Variants in ATP9B observed in about 807,000 individuals in gnomAD.
ATP9B encodes the protein ATPase phospholipid transporting 9B.
A neutral mutation model predicts 146.1 loss-of-function variants in ATP9B; 110 were observed. The observed-to-expected ratio is 0.75, with a 90% CI of 0.65 to 0.88. ATP9B has a LOEUF of 0.88. ATP9B is among the 40% of genes least tolerant of loss of function. ATP9B has a pLI of 0.00. For missense variants in ATP9B, 1,499 were observed against 1,496.4 expected (o/e 1.00, Z -0.03); for synonymous variants, 604 against 569.7 (o/e 1.06, Z -0.86).
chr18:79,290,342 T>C lies in ATP9B; in HGVS notation c.1411+13146T>C, dbSNP rs370236421. ...ATGGCGGGCGCCCCTCCCCCAGCCT[T>C]GCTGCCGCCTTGCAGTTTGATCTCA... On this transcript the variant is annotated intron_variant, in intron 13 of 29. Coordinates refer to ENST00000426216, the MANE Select transcript of ATP9B (RefSeq NM_198531.5). 8.0e-4 allele frequency among the ~76,000 whole-genome samples: 122 copies of C among 152,194 alleles called. 1 individual carries two copies. The highest frequency in any genetic ancestry group is 6.8e-3 in the Middle Eastern group (2 of 294).
intron 13 of ATP9B, among the ~76,000 whole-genome samples, chr18:79,301,501 A>G (rs1198381845): frequency 6.6e-6 from 1 of 152,224 alleles, no homozygotes; most frequent in East Asian, 1.9e-4. Flanking sequence ...ATGAAGCACA[A>G]ATGTATAAAG....
chr18:79,279,686 G>A (rs910529069), intron 13 of ATP9B, among the ~76,000 whole-genome samples: 8 of 152,252 alleles, frequency 5.3e-5, no homozygotes, highest in South Asian at 2.1e-4. Flanking sequence ...ACAAAAATAC[G>A]TAAGACCTAA....
chr18:79,102,999 T>G (rs571413960), intron 2 of ATP9B, among the ~76,000 whole-genome samples: 2 of 152,324 alleles, frequency 1.3e-5, no homozygotes, highest in Non-Finnish European at 2.9e-5. Context: ...CTGAACTCAC[T>G]GGTGCTAAGA....
intron 26 of ATP9B, among the ~76,000 whole-genome samples, chr18:79,368,141 C>G (rs912520237): frequency 1.3e-5 from 2 of 152,236 alleles, no homozygotes; most frequent in African/African-American, 4.8e-5. Context: ...ATGGGGCTGT[C>G]TGCGCTGCTT....
intron 11 of ATP9B, among the ~76,000 whole-genome samples, chr18:79,241,285 C>T (rs559158780): frequency 6.6e-6 from 1 of 152,102 alleles, no homozygotes; most frequent in African/African-American, 2.4e-5. Context: ...AATTCCGCAG[C>T]CTTTCCATTC....
intron 1 of ATP9B, among the ~76,000 whole-genome samples, chr18:79,073,958 T>A (rs765944449): frequency 2.1e-4 from 32 of 152,206 alleles, no homozygotes; most frequent in Non-Finnish European, 3.4e-4. Flanking sequence ...GTTTGACAGA[T>A]GGTTTTCGAT....
chr18:79,335,529 A>G (rs2096819429), intron 17 of ATP9B, among the ~76,000 whole-genome samples: 1 of 152,190 alleles, frequency 6.6e-6, no homozygotes, highest in African/African-American at 2.4e-5. Flanking sequence ...CATTGCAGGC[A>G]TTTCCATGTC....
chr18:79,134,851 C>T (rs912940881), intron 5 of ATP9B, among the ~76,000 whole-genome samples: 12 of 151,996 alleles, frequency 7.9e-5, no homozygotes, highest in African/African-American at 1.5e-4. Context: ...ATTTAAATAT[C>T]CTGATCTTTT....
chr18:79,327,903 G>A (rs1421345448), intron 15 of ATP9B, among the ~76,000 whole-genome samples: 1 of 131,938 alleles, frequency 7.6e-6, no homozygotes, highest in African/African-American at 3.0e-5. Flanking sequence ...TGGTTAGCGT[G>A]CTCTCCGTGG....
chr18:79,372,565 C>T (rs1174705372), intron 26 of ATP9B: 3 of 621,132 alleles, frequency 4.8e-6, no homozygotes, highest in Middle Eastern at 2.6e-4. Context: ...GTAGAGCCAA[C>T]AAGACGGCAG....
At chr18:79,320,704 C>A (rs185468197) in intron 15 of ATP9B, among the ~76,000 whole-genome samples, 13 of 152,138 alleles carry the variant, frequency 8.5e-5, no homozygotes, top group African/African-American at 4.8e-5. Flanking sequence ...CTCCCACCCC[C>A]CTCCAGCCCT....
chr18:79,081,762 C>G (rs936313989), intron 1 of ATP9B, among the ~76,000 whole-genome samples: 4 of 151,832 alleles, frequency 2.6e-5, no homozygotes, highest in African/African-American at 9.7e-5. Context: ...TGTAGGGTTT[C>G]TGCAGAGAGA....
chr18:79,356,452 T>G (rs1473024429), intron 25 of ATP9B, among the ~76,000 whole-genome samples: 2 of 152,226 alleles, frequency 1.3e-5, no homozygotes, highest in African/African-American at 4.8e-5. Context: ...TACAGCAGTT[T>G]TATTTGTGAT....
chr18:79,120,431 G>A (rs200414375), intron 4 of ATP9B, among the ~76,000 whole-genome samples: 3 of 152,092 alleles, frequency 2.0e-5, no homozygotes, highest in East Asian at 3.8e-4. Flanking sequence ...AACAATGATA[G>A]CTTAATTAAT....
chr18:79,277,189 C>G lies in ATP9B; in HGVS notation c.1404C>G (p.Asp468Glu), dbSNP rs773118829. Residue 468 changes from aspartate (D) to glutamate (E), a missense_variant, in exon 13 of 30, where the codon GAC (aspartate) becomes GAG (glutamate). Asp to Glu is a conservative substitution (Grantham distance 45). Coordinates refer to ENST00000426216, the MANE Select transcript of ATP9B (RefSeq NM_198531.5). ...ELGRLVYLLT[D>E]KTGTLTQNEM... Reference sequence around the variant, plus strand: ...GGCGCCTGGTGTATTTATTGACAGACAAAACAGGTACTGTTCGTGGTCTGT... The same window carrying G: ...GGCGCCTGGTGTATTTATTGACAGAGAAAACAGGTACTGTTCGTGGTCTGT... 2 of 1,614,020 alleles carry G rather than the reference C, an allele frequency of 1.2e-6. No individual in the cohort carries two copies. The highest frequency in any genetic ancestry group is 1.7e-6 in the Non-Finnish European group (2 of 1,180,026).
At position 79,087,675 on chromosome 18, in the gene ATP9B, A is replaced by G. The variant is rs1351935927; in HGVS notation, c.120-8801A>G. 6 of 152,232 alleles carry G rather than the reference A, an allele frequency of 3.9e-5. No individual in the cohort carries two copies. The East Asian group carries it at 1.2e-3, about 29-fold the overall frequency. The allele number at this position is 152,232 out of a possible 1,614,324, so 9.4% of individuals were successfully genotyped here. A position where few individuals can be genotyped will look rare whatever the true frequency, so the allele number is the denominator to read the frequency against. ...CAATAAGGCTTAGATATTTAAGATA[A>G]AATGTAAGTTTTAAGCTAGTTATTG... On this transcript the variant is annotated intron_variant, in intron 1 of 29. Coordinates refer to ENST00000426216, the MANE Select transcript of ATP9B (RefSeq NM_198531.5).
chr18:79,163,869 TACACACAC>T lies in ATP9B; in HGVS notation c.778+9344_778+9351del, dbSNP rs56408063. Among the ~76,000 whole-genome samples the T allele has an allele frequency of 9.2e-4, 131 of 142,784 alleles. 1 individual carries two copies. The highest frequency in any genetic ancestry group is 3.5e-3 in the Middle Eastern group (1 of 282). The allele number at this position is 142,784 out of a possible 152,430, so 93.7% of individuals were successfully genotyped here. A position where few individuals can be genotyped will look rare whatever the true frequency, so the allele number is the denominator to read the frequency against. ...TATTTTATTTTCATATTTTATTTTA[TACACACAC>T]ACACACACACACACACACACACACA... On this transcript the variant is annotated intron_variant, in intron 7 of 29. Coordinates refer to ENST00000426216, the MANE Select transcript of ATP9B (RefSeq NM_198531.5).
chr18:79,251,410 C>T (rs1426076976), intron 11 of ATP9B, among the ~76,000 whole-genome samples: 1 of 152,212 alleles, frequency 6.6e-6, no homozygotes, highest in East Asian at 1.9e-4. Context: ...GAAAAGAAAA[C>T]TTACTATTTT....
At chr18:79,177,961 A>C (rs929593702) in intron 8 of ATP9B, among the ~76,000 whole-genome samples, 6 of 152,214 alleles carry the variant, frequency 3.9e-5, no homozygotes, top group Admixed American at 6.5e-5. Flanking sequence ...ATTACAACTT[A>C]ACATTTTTCC....
Sources: allele counts gnomAD v4.1 joint callset (sites outside exome capture counted in the v4.1 genomes callset), GRCh38; gene constraint gnomAD v4.1.1; transcripts MANE v1.5; gene names NCBI Gene and HGNC (gene_info 2026-07-23, HGNC 2026-07-21).